NTAN1: variants seen among roughly 807,000 people sequenced by gnomAD.
NTAN1 encodes protein N-terminal asparagine amidohydrolase.
NTAN1 carries 32 observed loss-of-function variants against 41.9 expected under a neutral mutation model. The ratio of observed to expected loss-of-function variants is 0.76; its 90% CI spans 0.58 to 1.03. The LOEUF (loss-of-function observed/expected upper bound fraction) is 1.03. Among genes scored for constraint, NTAN1 ranks in the 50% least tolerant of loss-of-function variants. NTAN1 has a pLI of 0.00. For synonymous variants in NTAN1, 140 were observed against 139.5 expected, an observed-to-expected ratio of 1.00 and a Z score of -0.03; for missense variants, 377 against 377.5, an observed-to-expected ratio of 1.00 and a Z score of 0.01.
chr16:15,048,247 A>C, intron 1 of NTAN1, 148 bp from the exon 2 acceptor site: 1 of 614,106 alleles, frequency 1.6e-6, no homozygotes, highest in Non-Finnish European at 2.9e-6. Context: ...TCAAAGAAAA[A>C]GGCAGCAGCC....
At chr16:15,047,638 C>G (rs2044129454) in intron 3 of NTAN1, 88 bp from the exon 4 acceptor site, 2 of 1,053,336 alleles carry the variant, frequency 1.9e-6, no homozygotes, top group Admixed American at 3.4e-5. Flanking sequence ...TCCGGACCGC[C>G]TCATCTTTGA....
chr16:15,047,419 T>C, intron 4 of NTAN1, 23 bp downstream of exon 4: 1 of 1,432,484 alleles, frequency 7.0e-7, no homozygotes, highest in Non-Finnish European at 9.9e-7. Context: ...TCAATTCACC[T>C]ATGAGAGCAG....
At chr16:15,042,751 G>T (rs867535858) in intron 5 of NTAN1, among the ~76,000 whole-genome samples, 1 of 61,396 alleles carries the variant, frequency 1.6e-5, no homozygotes, top group Middle Eastern at 8.9e-3. Context: ...TTTATTTATT[G>T]AGACGAAGTC....
Position 15,056,020 on chromosome 16 carries a change from T to C in NTAN1, c.-49A>G. 9.9e-7 allele frequency: 1 copy of C among 1,009,776 alleles called. No individual in the cohort carries two copies. The highest frequency in any genetic ancestry group is 4.8e-5 in the South Asian group (1 of 20,926). 62.6% of individuals were successfully genotyped at this position (1,009,776 alleles called of 1,614,324 possible). On this transcript the variant is annotated 5_prime_UTR_variant, in exon 1 of 10. Coordinates refer to ENST00000287706, the MANE Select transcript of NTAN1 (RefSeq NM_173474.4). ...GCCCAGGGAGGCGGCGGCCCCCCGC[T>C]TTGCAGCCCCGGGCCGCCCGCCGCC...
chr16:15,047,039 G>A (rs1372882109), intron 4 of NTAN1, among the ~76,000 whole-genome samples: 1 of 152,136 alleles, frequency 6.6e-6, no homozygotes, highest in African/African-American at 2.4e-5. Flanking sequence ...CGGGCTTTCT[G>A]TCTACTCTTC....
chr16:15,043,046 A>G (rs1438980782), intron 5 of NTAN1, among the ~76,000 whole-genome samples: 1 of 151,960 alleles, frequency 6.6e-6, no homozygotes, highest in Non-Finnish European at 1.5e-5. Flanking sequence ...GATTACAGGC[A>G]TGCACCACCA....
rs1317708456 is a variant in NTAN1, at chr16:15,040,062, G to C, written c.546C>G (p.Val182=). The C allele has an allele frequency of 6.3e-7, 1 of 1,589,546 alleles. No homozygotes were observed. The highest frequency in any genetic ancestry group is 8.6e-7 in the Non-Finnish European group (1 of 1,158,870). The change falls in exon 8 of 10, where the codon GTC becomes GTG. Residue 182 remains valine, a synonymous_variant. Transcript: ENST00000287706. ...TGTAAATCTCTGCAGTCTTAATGTT[G>C]ACAGCTGTGAGGGACAACAGGATGA... ...NHFPVIYGIA[V]NIKTAEIYRA... is the part of the protein sequence containing the mutation.
At chr16:15,044,481 C>A (rs2043963462) in intron 4 of NTAN1, 74 bp from the exon 5 acceptor site, 1 of 967,350 alleles carries the variant, frequency 1.0e-6, no homozygotes, top group Non-Finnish European at 1.7e-6. Flanking sequence ...TTTGAACTTT[C>A]ATTCTCAGTT....
chr16:15,039,339 G>C (rs1273927052), intron 8 of NTAN1, among the ~76,000 whole-genome samples: 1 of 152,154 alleles, frequency 6.6e-6, no homozygotes, highest in East Asian at 1.9e-4. Context: ...GAAAACATCA[G>C]CATTTCATAA....
intron 9 of NTAN1, 86 bp from the exon 10 acceptor site, chr16:15,038,296 G>A: frequency 2.1e-6 from 2 of 952,132 alleles, no homozygotes. Flanking sequence ...TTTGTTCTTG[G>A]ACACAAATAT....
chr16:15,042,978 G>A (rs1053594667), intron 5 of NTAN1, among the ~76,000 whole-genome samples: 5 of 148,424 alleles, frequency 3.4e-5, no homozygotes, highest in African/African-American at 5.0e-5. Context: ...TCAGCTCACC[G>A]CAACCTATAC....
chr16:15,038,331 G>A (rs1258426762), intron 9 of NTAN1, 121 bp from the exon 10 acceptor site: 3 of 755,514 alleles, frequency 4.0e-6, no homozygotes, highest in Non-Finnish European at 6.3e-6. Flanking sequence ...GTTAAGAAAT[G>A]AGGTGGCCTG....
intron 7 of NTAN1, among the ~76,000 whole-genome samples, 180 bp downstream of exon 7, chr16:15,040,888 G>C (rs1165308877): frequency 6.6e-6 from 1 of 152,134 alleles, no homozygotes; most frequent in Non-Finnish European, 1.5e-5. Flanking sequence ...CAGTTTTATA[G>C]GTAAAGCTTA....
chr16:15,039,945 T>TA (rs1175054672), intron 8 of NTAN1, 24 bp downstream of exon 8: 2 of 1,421,052 alleles, frequency 1.4e-6, no homozygotes, highest in Admixed American at 1.9e-5. Flanking sequence ...TTTAACCCCT[T>TA]AACAAAGATG....
intron 5 of NTAN1, among the ~76,000 whole-genome samples, chr16:15,042,727 T>TATTTATTTA (rs2043874351): frequency 1.5e-5 from 2 of 134,066 alleles, no homozygotes; most frequent in South Asian, 4.4e-4. Context: ...ACTATTTATT[T>TATTTATTTA]ATTTATTTAT....
chr16:15,040,048 G>C lies in NTAN1; in HGVS notation c.560C>G (p.Ala187Gly), dbSNP rs746422155. Residue 187 changes from alanine to glycine, a missense_variant, in exon 8 of 10, where the codon GCA becomes GGA. Coordinates refer to ENST00000287706, the MANE Select transcript of NTAN1 (RefSeq NM_173474.4). ...TTGAAAGGATGCTCTGTAAATCTCT[G>C]CAGTCTTAATGTTGACAGCTGTGAG... ...IYGIAVNIKT[A>G]EIYRASFQDR... 1 of 1,607,902 alleles carries C rather than the reference G, an allele frequency of 6.2e-7. No homozygotes were observed. Among genetic ancestry groups the C allele is most frequent in the South Asian group, 1.1e-5 (1 of 90,858 alleles).
intron 1 of NTAN1, among the ~76,000 whole-genome samples, chr16:15,052,442 T>C (rs2044331024): frequency 6.6e-6 from 1 of 152,202 alleles, no homozygotes. Flanking sequence ...GGGATGATCA[T>C]GTGACCCTCA....
intron 3 of NTAN1, 77 bp downstream of exon 3, chr16:15,047,778 A>T: frequency 8.0e-7 from 1 of 1,243,652 alleles, no homozygotes; most frequent in South Asian, 1.2e-5. Context: ...ACACCAGGAA[A>T]CTCAACACGA....
chr16:15,047,323 G>T, intron 4 of NTAN1, 119 bp downstream of exon 4: 1 of 713,972 alleles, frequency 1.4e-6, no homozygotes, highest in South Asian at 1.6e-5. Context: ...TGTTCCAGGG[G>T]AACGAGGCAG....
Sources: allele counts gnomAD v4.1 joint callset (sites outside exome capture counted in the v4.1 genomes callset), GRCh38; gene constraint gnomAD v4.1.1; transcripts MANE v1.5; gene names NCBI Gene and HGNC (gene_info 2026-07-23, HGNC 2026-07-21).